PTPN3: variants seen among roughly 807,000 people sequenced by gnomAD.
PTPN3 encodes the protein protein tyrosine phosphatase non-receptor type 3.
PTPN3 carries 96 observed loss-of-function variants against 132.7 expected under a neutral mutation model. The ratio of observed to expected loss-of-function variants is 0.72; its 90% CI spans 0.61 to 0.86. The LOEUF is 0.86. Among genes scored for constraint, PTPN3 ranks in the 40% least tolerant of loss-of-function variants. The pLI, the probability that PTPN3 is intolerant of heterozygous loss-of-function variation, is 0.00. For synonymous variants in PTPN3, 398 were observed against 429.0 expected (o/e 0.93, Z 0.89); for missense variants, 1,125 against 1,159.6 (o/e 0.97, Z 0.43).
intron 19 of PTPN3, among the ~76,000 whole-genome samples, chr9:109,402,716 C>T (rs1476672869): frequency 9.4e-6 from 1 of 106,402 alleles, no homozygotes; most frequent in Non-Finnish European, 1.9e-5. Flanking sequence ...ACCCTTTTAT[C>T]CAGACTTCAT....
rs764717487 is a variant in PTPN3, at chr9:109,389,310, CACA to C, written c.2173_2175del (p.Cys725del). On this transcript the variant is annotated inframe_deletion, in exon 22 of 26. Transcript: ENST00000374541. The stretch of plus-strand genomic sequence containing the variant: ...TCCCAGACAACCTGCCAAAACTGTG[CACA>C]GGTATGCGGCAGGGGCCCCTGAGTG... 5.6e-6 allele frequency: 9 copies of C among 1,614,212 alleles called. No individual in the cohort carries two copies. Among genetic ancestry groups the C allele is most frequent in the Non-Finnish European group, 6.8e-6 (8 of 1,180,032 alleles).
the PTPN3 span, among the ~76,000 whole-genome samples, chr9:109,505,470 G>T: frequency 2.6e-5 from 4 of 152,046 alleles, no homozygotes; most frequent in Non-Finnish European, 4.4e-5. Flanking sequence ...GTTTAGATGA[G>T]GTCTTGCTAT....
At chr9:109,525,946 C>T in the PTPN3 span, among the ~76,000 whole-genome samples, 1 of 152,004 alleles carries the variant, frequency 6.6e-6, no homozygotes, top group African/African-American at 2.4e-5. Context: ...AACTTATTTA[C>T]AGATTATATG....
intron 1 of PTPN3, among the ~76,000 whole-genome samples, chr9:109,471,765 T>C (rs1293103582): frequency 1.3e-5 from 2 of 152,014 alleles, no homozygotes; most frequent in African/African-American, 2.4e-5. Flanking sequence ...TCAGGCATCC[T>C]AAGAAGCTGG....
At chr9:109,494,253 T>C (rs1374747520) in intron 1 of PTPN3, among the ~76,000 whole-genome samples, 2 of 152,176 alleles carry the variant, frequency 1.3e-5, no homozygotes, top group African/African-American at 4.8e-5. Context: ...GGAGGACTGT[T>C]TGAGCCCAGG....
the PTPN3 span, among the ~76,000 whole-genome samples, chr9:109,536,259 C>T: frequency 2.6e-5 from 4 of 152,300 alleles, no homozygotes; most frequent in Admixed American, 6.5e-5. Flanking sequence ...CTTGTTTATC[C>T]ATTCATCCAT....
intron 1 of PTPN3, among the ~76,000 whole-genome samples, chr9:109,477,079 A>G (rs1403797210): frequency 6.6e-6 from 1 of 152,024 alleles, no homozygotes; most frequent in African/African-American, 2.4e-5. Context: ...CAAGGTGATG[A>G]TCCCAAGCTC....
the PTPN3 span, among the ~76,000 whole-genome samples, chr9:109,519,392 AG>A: frequency 6.6e-6 from 1 of 152,232 alleles, no homozygotes; most frequent in Admixed American, 6.5e-5. Flanking sequence ...TATGATGTTC[AG>A]TAGGTTAGGT....
chr9:109,472,614 CT>C (rs1407370562), intron 1 of PTPN3, among the ~76,000 whole-genome samples: 3 of 152,214 alleles, frequency 2.0e-5, no homozygotes, highest in Non-Finnish European at 4.4e-5. Context: ...AACAAAATTA[CT>C]GTACAACTGG....
intron 9 of PTPN3, among the ~76,000 whole-genome samples, chr9:109,435,676 A>C (rs1843994944): frequency 6.6e-6 from 1 of 152,206 alleles, no homozygotes; most frequent in Admixed American, 6.5e-5. Context: ...ACAGCCCTTG[A>C]GGGTCATTTC....
At chr9:109,534,240 C>T in the PTPN3 span, 2 of 1,481,176 alleles carry the variant, frequency 1.4e-6, no homozygotes, top group Non-Finnish European at 1.8e-6. Context: ...TGCCGCTGCC[C>T]GTAGTGCCGG....
rs960279485 is a variant in PTPN3, at chr9:109,427,198, G to A, written c.829-76C>T. On this transcript the variant is annotated intron_variant, in intron 11 of 25. Coordinates refer to ENST00000374541, the MANE Select transcript of PTPN3 (RefSeq NM_002829.4). Reference sequence around the variant, plus strand: ...ACTTGTAAGCATTTAACCCACATTGGTGAAATGAGGTAAGATGCAACAGAC... The same window carrying A: ...ACTTGTAAGCATTTAACCCACATTGATGAAATGAGGTAAGATGCAACAGAC... 2.0e-5 allele frequency: 30 copies of A among 1,478,200 alleles called. No individual in the cohort carries two copies. The African/African-American group carries it at 4.2e-4, about 21-fold the overall frequency. The allele number at this position is 1,478,200 out of a possible 1,614,324, so 91.6% of individuals were successfully genotyped here. A position where few individuals can be genotyped will look rare whatever the true frequency, so the allele number is the denominator to read the frequency against.
At chr9:109,445,077 G>C (rs1039518875) in intron 7 of PTPN3, among the ~76,000 whole-genome samples, 163 bp downstream of exon 7, 1 of 152,206 alleles carries the variant, frequency 6.6e-6, no homozygotes, top group Non-Finnish European at 1.5e-5. Flanking sequence ...CTACAGGAGA[G>C]TGCCAGTCTG....
chr9:109,520,608 A>G, the PTPN3 span, among the ~76,000 whole-genome samples: 1 of 152,082 alleles, frequency 6.6e-6, no homozygotes, highest in Admixed American at 6.5e-5. Flanking sequence ...CCTTCTTGAC[A>G]GTGTTTCCTT....
At chr9:109,434,886 C>T (rs1231359587) in intron 9 of PTPN3, among the ~76,000 whole-genome samples, 1 of 152,168 alleles carries the variant, frequency 6.6e-6, no homozygotes, top group Non-Finnish European at 1.5e-5. Context: ...GTGGGACAAA[C>T]CCTTTGTGAA....
At chr9:109,510,558 TAAAAA>T in the PTPN3 span, among the ~76,000 whole-genome samples, 37 of 74,080 alleles carry the variant, frequency 5.0e-4, no homozygotes, top group South Asian at 1.5e-3. Context: ...AACTTTGTCT[TAAAAA>T]AAAAAAAAAA....
the PTPN3 span, among the ~76,000 whole-genome samples, chr9:109,529,898 C>T: frequency 6.6e-6 from 1 of 151,964 alleles, no homozygotes; most frequent in Non-Finnish European, 1.5e-5. Flanking sequence ...GCTCTGCATA[C>T]CATCTTTTCT....
chr9:109,490,044 G>A (rs1032465081), intron 1 of PTPN3, among the ~76,000 whole-genome samples: 9 of 151,922 alleles, frequency 5.9e-5, no homozygotes, highest in African/African-American at 1.5e-4. Context: ...TTAGCTGGGC[G>A]TGGTCGTGGA....
At chr9:109,525,587 A>G in the PTPN3 span, among the ~76,000 whole-genome samples, 1 of 152,242 alleles carries the variant, frequency 6.6e-6, no homozygotes, top group Non-Finnish European at 1.5e-5. Flanking sequence ...ATGTGCAACC[A>G]GGATTGGGAA....
Sources: gnomAD v4.1 joint callset for allele counts (sites outside exome capture counted in the v4.1 genomes callset) on GRCh38, gnomAD v4.1.1 for gene constraint, MANE v1.5 for transcripts, NCBI Gene and HGNC (gene_info 2026-07-23, HGNC 2026-07-21) for gene names.